The following NALF1 variants were observed in gnomAD, a reference collection of about 807,000 sequenced individuals.
NALF1 encodes family with sequence similarity 155 member A.
A neutral mutation model predicts 48.4 loss-of-function variants in NALF1; 3 were observed. That is an observed-to-expected ratio of 0.06 (90% CI 0.03 to 0.16). The LOEUF is 0.16. Ranked by LOEUF, NALF1 falls within the 10% of genes least tolerant of loss-of-function variation. The pLI, the probability that NALF1 is intolerant of heterozygous loss-of-function variation, is 1.00. For missense variants in NALF1, 526 were observed against 571.5 expected (o/e 0.92, Z 0.81); for synonymous variants, 262 against 245.7 (o/e 1.07, Z -0.62).
chr13:107,192,035 C>T (rs763052415), intron 2 of NALF1, among the ~76,000 whole-genome samples: 5 of 150,234 alleles, frequency 3.3e-5, no homozygotes, highest in Non-Finnish European at 7.4e-5. Context: ...ATGTGCATGA[C>T]CGATGATGAG....
At chr13:107,557,172 G>A (rs1877506114) in intron 1 of NALF1, among the ~76,000 whole-genome samples, 2 of 152,096 alleles carry the variant, frequency 1.3e-5, no homozygotes, top group Non-Finnish European at 2.9e-5. Flanking sequence ...TGTTAGGTTT[G>A]TTAGGTGTTT....
intron 1 of NALF1, among the ~76,000 whole-genome samples, chr13:107,438,694 G>A (rs1262108080): frequency 6.6e-6 from 1 of 151,514 alleles, no homozygotes; most frequent in East Asian, 1.9e-4. Context: ...GGTTGGTGGT[G>A]GGCACCTGTA....
intron 1 of NALF1, among the ~76,000 whole-genome samples, chr13:107,318,529 A>G (rs1238003423): frequency 2.0e-5 from 3 of 152,132 alleles, no homozygotes; most frequent in Non-Finnish European, 4.4e-5. Context: ...TTAGATTTCT[A>G]CACATTAAAT....
chr13:107,818,871 C>CAAAAAAAAAAAAAAAA (rs774372636), intron 1 of NALF1, among the ~76,000 whole-genome samples: 5 of 73,818 alleles, frequency 6.8e-5, no homozygotes, highest in Admixed American at 1.5e-4. Context: ...GACTCCGTCT[C>CAAAAAAAAAAAAAAAA]AAAAAAAAAA....
At chr13:107,863,906 T>G (rs1424776953) in intron 1 of NALF1, among the ~76,000 whole-genome samples, 1 of 152,214 alleles carries the variant, frequency 6.6e-6, no homozygotes, top group Non-Finnish European at 1.5e-5. Context: ...TTTTAAATAC[T>G]GAGTTATACA....
chr13:107,778,954 G>T (rs1001459325), intron 1 of NALF1, among the ~76,000 whole-genome samples: 1 of 152,150 alleles, frequency 6.6e-6, no homozygotes, highest in Non-Finnish European at 1.5e-5. Flanking sequence ...TATTAAAAAA[G>T]TATTACTATT....
At chr13:107,408,597 A>G (rs1594046817) in intron 1 of NALF1, among the ~76,000 whole-genome samples, 1 of 152,102 alleles carries the variant, frequency 6.6e-6, no homozygotes, top group East Asian at 1.9e-4. Flanking sequence ...ACAATGGGTA[A>G]CACAATTTTA....
rs576506176 is a variant in NALF1 at position 107,241,285 on chromosome 13, A to G, written c.916-30530T>C. 2.6e-5 allele frequency among the ~76,000 whole-genome samples: 4 copies of G among 152,122 alleles called. No individual in the cohort carries two copies. In the South Asian group the frequency reaches 8.3e-4, roughly 32 times the overall value. Reference sequence around the variant, plus strand: ...CATTATCATCTCCTCAATCTTTCTCATATCAGATATGAAGACCACCTGAAC... The same window carrying G: ...CATTATCATCTCCTCAATCTTTCTCGTATCAGATATGAAGACCACCTGAAC... On this transcript the variant is annotated intron_variant, in intron 1 of 2. Transcript: ENST00000375915.
At chr13:107,304,642 A>G (rs942901268) in intron 1 of NALF1, among the ~76,000 whole-genome samples, 3 of 152,224 alleles carry the variant, frequency 2.0e-5, no homozygotes, top group African/African-American at 7.2e-5. Context: ...TACGTGAATA[A>G]TAATTACACT....
chr13:107,855,983 T>C (rs139046322), intron 1 of NALF1, among the ~76,000 whole-genome samples: 12 of 148,612 alleles, frequency 8.1e-5, no homozygotes, highest in Non-Finnish European at 1.6e-4. Context: ...ATACTGCTCA[T>C]TGGAGCCTCA....
At chr13:107,427,314 T>C (rs987370427) in intron 1 of NALF1, among the ~76,000 whole-genome samples, 2 of 151,984 alleles carry the variant, frequency 1.3e-5, no homozygotes, top group African/African-American at 4.8e-5. Context: ...GTATACTTTT[T>C]AATACTCTTA....
chr13:107,244,317 T>C (rs774601921), intron 1 of NALF1, among the ~76,000 whole-genome samples: 7 of 152,214 alleles, frequency 4.6e-5, no homozygotes, highest in Non-Finnish European at 1.0e-4. Context: ...ACACCATTGA[T>C]AGAGTATGTG....
intron 1 of NALF1, among the ~76,000 whole-genome samples, chr13:107,289,016 CATAG>C (rs1175901902): frequency 1.3e-5 from 2 of 152,236 alleles, no homozygotes; most frequent in South Asian, 2.1e-4. Context: ...CTATGTGAAA[CATAG>C]ATAGCCACCC....
rs1331435765 is a variant in NALF1 at position 107,330,880 on chromosome 13, ATTATC to A, written c.916-120130_916-120126del. On this transcript the variant is annotated intron_variant, in intron 1 of 2. Transcript: ENST00000375915. ...CTTTCAAATACATGAAAATGTTTCT[ATTATC>A]TTATCTTCTTGTGCCATAGCCTTTT... is the stretch of plus-strand genomic sequence containing the variant. Among the ~76,000 whole-genome samples the A allele has an allele frequency of 9.2e-5, 14 of 152,318 alleles. No homozygotes were observed. In the East Asian group the frequency reaches 2.5e-3, roughly 27 times the overall value.
At chr13:107,778,506 T>C (rs1286599347) in intron 1 of NALF1, among the ~76,000 whole-genome samples, 4 of 152,350 alleles carry the variant, frequency 2.6e-5, no homozygotes, top group Middle Eastern at 3.4e-3. Flanking sequence ...GGAAAAGATA[T>C]GACTCTTGAT....
At chr13:107,449,649 C>G (rs1884708553) in intron 1 of NALF1, among the ~76,000 whole-genome samples, 1 of 151,140 alleles carries the variant, frequency 6.6e-6, no homozygotes. Context: ...GTTAAGACAT[C>G]AATCTGGCCT....
At chr13:107,736,585 T>C (rs1296673105) in intron 1 of NALF1, among the ~76,000 whole-genome samples, 1 of 152,196 alleles carries the variant, frequency 6.6e-6, no homozygotes, top group African/African-American at 2.4e-5. Flanking sequence ...AGCACCAAAT[T>C]ATATTTTACA....
intron 1 of NALF1, among the ~76,000 whole-genome samples, chr13:107,839,367 T>G (rs889996054): frequency 1.4e-5 from 2 of 148,030 alleles, no homozygotes; most frequent in East Asian, 2.0e-4. Context: ...CCTCATCTAG[T>G]ATGCTTCTGC....
intron 1 of NALF1, among the ~76,000 whole-genome samples, chr13:107,389,864 T>C (rs1364055006): frequency 2.6e-5 from 4 of 152,316 alleles, no homozygotes; most frequent in African/African-American, 9.6e-5. Context: ...TAATTTGATG[T>C]GACAGTTACT....
Sources: gnomAD v4.1 joint callset for allele counts (sites outside exome capture counted in the v4.1 genomes callset) on GRCh38, gnomAD v4.1.1 for gene constraint, MANE v1.5 for transcripts, NCBI Gene and HGNC (gene_info 2026-07-23, HGNC 2026-07-21) for gene names.